Variants in TIA1 observed in about 807,000 individuals in gnomAD.
TIA1 encodes TIA1 cytotoxic granule associated RNA binding protein.
Under a neutral mutation model 65.9 loss-of-function variants are expected in TIA1, and 23 were observed. That is an observed-to-expected ratio of 0.35 (90% CI 0.25 to 0.49). The LOEUF is 0.49. TIA1 is among the 20% of genes least tolerant of loss of function. TIA1 has a pLI of 0.98. For synonymous variants in TIA1, 147 were observed against 149.4 expected (o/e 0.98, Z 0.12); for missense variants, 371 against 477.9 (o/e 0.78, Z 2.09).
intron 1 of TIA1, among the ~76,000 whole-genome samples, chr2:70,240,883 C>A (rs541525031): frequency 6.6e-6 from 1 of 150,748 alleles, no homozygotes; most frequent in Admixed American, 6.6e-5. Flanking sequence ...CCTGCCCCCC[C>A]ACCAAAAAAA....
chr2:70,230,902 T>C (rs1158431088), intron 2 of TIA1, 48 bp from the exon 3 acceptor site: 9 of 1,454,124 alleles, frequency 6.2e-6, no homozygotes, highest in Admixed American at 2.1e-5. Context: ...TATTCACCCA[T>C]TACCTTAAAA....
chr2:70,238,920 G>A (rs1352030962), intron 1 of TIA1, among the ~76,000 whole-genome samples: 5 of 152,056 alleles, frequency 3.3e-5, no homozygotes, highest in Admixed American at 6.6e-5. Flanking sequence ...AAAATTAGCG[G>A]ACATGGTGGC....
chr2:70,238,488 G>A (rs1217772259), intron 1 of TIA1, among the ~76,000 whole-genome samples: 1 of 151,470 alleles, frequency 6.6e-6, no homozygotes. Context: ...GGCCAGGCTG[G>A]TACCCCCAAT....
chr2:70,214,983 G>A lies in TIA1; in HGVS notation c.888+388C>T, dbSNP rs1677979162. 2.0e-5 allele frequency: 4 copies of A among 195,322 alleles called. No individual in the cohort carries two copies. The South Asian group carries it at 4.2e-4, about 20-fold the overall frequency. 12.1% of individuals were successfully genotyped at this position (195,322 alleles called of 1,614,324 possible). On this transcript the variant is annotated intron_variant, in intron 11 of 12. Coordinates refer to ENST00000433529, the MANE Select transcript of TIA1 (RefSeq NM_022173.4). ...CCACTAAAGCTGCCTGGAAAAAAAAGGCAGCAAAATCTGGAAGAAAAATGC... is the reference window on the plus strand; with the variant it reads ...CCACTAAAGCTGCCTGGAAAAAAAAAGCAGCAAAATCTGGAAGAAAAATGC...
intron 3 of TIA1, 35 bp downstream of exon 3, chr2:70,230,721 A>G: frequency 1.4e-6 from 2 of 1,458,352 alleles, no homozygotes; most frequent in South Asian, 1.2e-5. Context: ...AAATTTTTTC[A>G]GTGCAAGTCA....
At chr2:70,221,339 G>T (rs998180150) in intron 7 of TIA1, among the ~76,000 whole-genome samples, 1 of 151,850 alleles carries the variant, frequency 6.6e-6, no homozygotes. Flanking sequence ...GCATGGTGGT[G>T]TACACCTGTG....
chr2:70,215,666 C>A, intron 10 of TIA1, 172 bp from the exon 11 acceptor site: 1 of 577,968 alleles, frequency 1.7e-6, no homozygotes, highest in South Asian at 2.3e-5. Context: ...CTTGTGTTAA[C>A]AAAGAATGTG....
chr2:70,233,319 A>C (rs1183116281), intron 2 of TIA1, among the ~76,000 whole-genome samples: 1 of 152,224 alleles, frequency 6.6e-6, no homozygotes, highest in Non-Finnish European at 1.5e-5. Context: ...AAAATTTTAA[A>C]GCAACGAGGC....
chr2:70,229,277 C>G lies in TIA1; in HGVS notation c.264G>C (p.Lys88Asn). ...VNWATTPSSQKKDTSSSTVVS... is the reference protein window; with the variant it reads ...VNWATTPSSQNKDTSSSTVVS... ...AAATATACTTACTGCTTGTATCTTT[C>G]TTTTGACTGCTAGGGGTTGTTGCCC... The change falls in exon 4 of 13, where the codon AAG becomes AAC. Residue 88 changes from lysine (K) to asparagine (N), a missense_variant. Lys to Asn is a moderately conservative substitution (Grantham distance 94). Coordinates refer to ENST00000433529, the MANE Select transcript of TIA1 (RefSeq NM_022173.4). 1 of 1,613,572 alleles carries G rather than the reference C, an allele frequency of 6.2e-7. No individual in the cohort carries two copies. Among genetic ancestry groups the G allele is most frequent in the Non-Finnish European group, 8.5e-7 (1 of 1,179,874 alleles).
intron 7 of TIA1, among the ~76,000 whole-genome samples, chr2:70,219,896 A>C (rs1466106251): frequency 6.6e-6 from 1 of 151,970 alleles, no homozygotes; most frequent in Non-Finnish European, 1.5e-5. Flanking sequence ...GCACATTCTT[A>C]AAAAGAAACA....
At position 70,216,268 on chromosome 2, in the gene TIA1, GA is replaced by G; in HGVS notation, c.703del (p.Ser235HisfsTer6). On this transcript the variant is annotated frameshift_variant, in exon 10 of 13. Transcript: ENST00000433529. LOFTEE classifies it high-confidence loss of function. Reference protein sequence around the residue: ...LTEQLMRQTFSPFGQIMEIRV... With the variant: ...LTEQLMRQTFXPFGQIMEIRV... ...AATTTCCATTATTTGTCCAAATGGT[GA>G]AAAAGTCTGACGCATTAGTTGTTCT... is the stretch of plus-strand genomic sequence containing the variant. 2 of 1,594,128 alleles carry G rather than the reference GA, an allele frequency of 1.3e-6. No individual in the cohort carries two copies. Among genetic ancestry groups the G allele is most frequent in the Admixed American group, 1.8e-5 (1 of 54,406 alleles).
At chr2:70,247,851 T>C (rs532318511) in intron 1 of TIA1, among the ~76,000 whole-genome samples, 2 of 151,736 alleles carry the variant, frequency 1.3e-5, no homozygotes, top group South Asian at 4.2e-4. Flanking sequence ...TAAAGAAAAA[T>C]GCTTGGCTTT....
intron 2 of TIA1, among the ~76,000 whole-genome samples, 154 bp from the exon 3 acceptor site, chr2:70,231,008 T>C (rs1220030968): frequency 6.6e-6 from 1 of 152,068 alleles, no homozygotes; most frequent in Non-Finnish European, 1.5e-5. Context: ...ATTTTAGATT[T>C]AAAAAAGTAG....
chr2:70,248,202 T>A (rs749453283), intron 1 of TIA1, among the ~76,000 whole-genome samples: 1 of 152,210 alleles, frequency 6.6e-6, no homozygotes, highest in Non-Finnish European at 1.5e-5. Context: ...AAGGGATTAA[T>A]TGAGAGGGTT....
At chr2:70,220,408 C>A (rs965315963) in intron 7 of TIA1, among the ~76,000 whole-genome samples, 1 of 149,054 alleles carries the variant, frequency 6.7e-6, no homozygotes, top group Non-Finnish European at 1.5e-5. Context: ...GGTCCTGTCT[C>A]GAAAAAAAAA....
chr2:70,216,798 TAA>T, intron 8 of TIA1, 86 bp downstream of exon 8: 1 of 1,608,706 alleles, frequency 6.2e-7, no homozygotes, highest in Non-Finnish European at 8.5e-7. Context: ...ATTTCTGCAA[TAA>T]GTCTCCGGGA....
intron 6 of TIA1, among the ~76,000 whole-genome samples, chr2:70,225,843 A>T (rs1351844999): frequency 1.3e-5 from 2 of 152,180 alleles, no homozygotes; most frequent in Non-Finnish European, 2.9e-5. Context: ...AAGGAATAGG[A>T]AGAGTTTATA....
At chr2:70,230,019 G>A (rs867346806) in intron 3 of TIA1, among the ~76,000 whole-genome samples, 9 of 151,090 alleles carry the variant, frequency 6.0e-5, no homozygotes, top group African/African-American at 2.2e-4. Flanking sequence ...CGGGCAGATC[G>A]GATCATGAGG....
chr2:70,217,992 G>A (rs1486929428), intron 7 of TIA1, among the ~76,000 whole-genome samples: 3 of 152,120 alleles, frequency 2.0e-5, no homozygotes, highest in Non-Finnish European at 4.4e-5. Flanking sequence ...AATAAATATT[G>A]AACAGTTATG....
Sources: gnomAD v4.1 joint callset for allele counts (sites outside exome capture counted in the v4.1 genomes callset) on GRCh38, gnomAD v4.1.1 for gene constraint, MANE v1.5 for transcripts, NCBI Gene and HGNC (gene_info 2026-07-23, HGNC 2026-07-21) for gene names.